The following FGF13 variants were observed in gnomAD, a reference collection of about 807,000 sequenced individuals.
The protein encoded by FGF13 is fibroblast growth factor homologous factor 2.
In FGF13, 2 loss-of-function variants were observed where a neutral mutation model predicts 19.5. The observed-to-expected ratio is 0.10, with a 90% confidence interval of 0.04 to 0.32. The LOEUF (loss-of-function observed/expected upper bound fraction) is 0.32, where lower values mean the gene tolerates loss of function less well. Among genes scored for constraint, FGF13 ranks in the 10% least tolerant of loss-of-function variants. The pLI is 1.00. For synonymous variants in FGF13, 72 were observed against 76.9 expected (o/e 0.94, Z 0.33); for missense variants, 113 against 192.7 (o/e 0.59, Z 2.45).
intron 1 of FGF13, among the ~76,000 whole-genome samples, chrX:139,121,060 G>A (rs1264728721): frequency 8.9e-6 from 1 of 112,235 alleles, no homozygotes; most frequent in African/African-American, 3.2e-5. Flanking sequence ...AAGTGGTATG[G>A]GGAGAAGCCT....
chrX:139,174,120 T>C, intron 1 of FGF13, among the ~76,000 whole-genome samples: 1 of 112,591 alleles, frequency 8.9e-6, no homozygotes, highest in Non-Finnish European at 1.9e-5. Context: ...GGTATCTCAT[T>C]GTGGTTTTGA....
intron 1 of FGF13, among the ~76,000 whole-genome samples, chrX:139,106,350 C>T (rs745716261): frequency 1.8e-5 from 2 of 112,736 alleles, no homozygotes; most frequent in East Asian, 2.8e-4. Flanking sequence ...ACAGAGTTGG[C>T]GTTTAAAGTT....
intron 1 of FGF13, among the ~76,000 whole-genome samples, chrX:139,051,643 C>G (rs1351013927): frequency 8.9e-6 from 1 of 112,555 alleles, no homozygotes; most frequent in Admixed American, 9.4e-5. Flanking sequence ...ATTAAAGTGA[C>G]TTGCTCAGGT....
chrX:138,965,094 C>T (rs2091889655), intron 1 of FGF13, among the ~76,000 whole-genome samples: 1 of 112,122 alleles, frequency 8.9e-6, no homozygotes, highest in Non-Finnish European at 1.9e-5. Context: ...GGTTAAGATC[C>T]TTGCCCTGCT....
intron 1 of FGF13, among the ~76,000 whole-genome samples, chrX:138,908,884 C>G (rs1479127391): frequency 8.9e-6 from 1 of 112,305 alleles, no homozygotes; most frequent in Non-Finnish European, 1.9e-5. Flanking sequence ...GAAGCAATGT[C>G]TTTATTTCAA....
intron 1 of FGF13, among the ~76,000 whole-genome samples, chrX:139,143,821 A>G (rs1257950560): frequency 1.8e-5 from 2 of 111,887 alleles, no homozygotes; most frequent in Non-Finnish European, 3.8e-5. Flanking sequence ...ATCTAGTCCC[A>G]AGGGACTTCC....
intron 3 of FGF13, among the ~76,000 whole-genome samples, chrX:138,796,746 G>A (rs1166711044): frequency 2.7e-5 from 3 of 111,776 alleles, no homozygotes; most frequent in South Asian, 3.8e-4. Context: ...TTTAATGATC[G>A]TCATTCTAAC....
At chrX:139,043,601 A>G (rs2092277468) in intron 1 of FGF13, among the ~76,000 whole-genome samples, 1 of 111,327 alleles carries the variant, frequency 9.0e-6, no homozygotes, top group Non-Finnish European at 1.9e-5. Context: ...TGACCCAGAG[A>G]TTCCACTGCT....
At chrX:139,072,276 TACAC>T (rs761988012) in intron 1 of FGF13, among the ~76,000 whole-genome samples, 22 of 99,054 alleles carry the variant, frequency 2.2e-4, no homozygotes, top group Admixed American at 3.3e-4. Context: ...TCTCTCTCTC[TACAC>T]ACACACACAC....
At chrX:138,857,417 C>T (rs2091264212), downstream of FGF13, 1 of 932,598 alleles carries the variant, frequency 1.1e-6, no homozygotes, top group East Asian at 3.2e-5. Context: ...CTGAACAACA[C>T]ACAGCACACC....
intron 3 of FGF13, among the ~76,000 whole-genome samples, chrX:138,679,775 T>C (rs1312894761): frequency 1.8e-5 from 2 of 111,796 alleles, no homozygotes; most frequent in Non-Finnish European, 3.8e-5. Flanking sequence ...ATCAGGATGG[T>C]GGCTATTTAA....
intron 1 of FGF13, among the ~76,000 whole-genome samples, chrX:138,730,174 C>T (rs2090217842): frequency 9.1e-6 from 1 of 109,464 alleles, no homozygotes; most frequent in South Asian, 3.9e-4. Context: ...GTGTGCATGT[C>T]CAGGCCTGTC....
chrX:138,788,803 A>G (rs1207328340), intron 3 of FGF13, among the ~76,000 whole-genome samples: 10 of 111,228 alleles, frequency 9.0e-5, no homozygotes, highest in African/African-American at 2.6e-4. Flanking sequence ...TTTTTGCAAT[A>G]TGGACATACT....
At chrX:139,163,278 AAACT>A (rs1196388467) in intron 1 of FGF13, among the ~76,000 whole-genome samples, 5 of 111,329 alleles carry the variant, frequency 4.5e-5, no homozygotes, top group African/African-American at 1.6e-4. Context: ...CATTCTCAGC[AAACT>A]AACACAGGAA....
At chrX:138,764,334 G>A (rs2090489265) in intron 3 of FGF13, among the ~76,000 whole-genome samples, 1 of 112,086 alleles carries the variant, frequency 8.9e-6, no homozygotes, top group African/African-American at 3.2e-5. Flanking sequence ...ATAAAGTTTG[G>A]ATATGGAGCA....
At chrX:138,669,685 C>T (rs1201909169) in intron 3 of FGF13, among the ~76,000 whole-genome samples, 1 of 111,061 alleles carries the variant, frequency 9.0e-6, no homozygotes, top group Non-Finnish European at 1.9e-5. Flanking sequence ...TCTCCCCTGG[C>T]CCCCACACCT....
chrX:139,102,571 T>C (rs1484583782), intron 1 of FGF13, among the ~76,000 whole-genome samples: 2 of 112,186 alleles, frequency 1.8e-5, no homozygotes, highest in Non-Finnish European at 3.8e-5. Context: ...TGTAAGGATG[T>C]AGTAAAAGAC....
chrX:138,932,924 G>A (rs2091711742), intron 1 of FGF13, among the ~76,000 whole-genome samples: 2 of 110,989 alleles, frequency 1.8e-5, no homozygotes, highest in African/African-American at 6.6e-5. Flanking sequence ...TGTGTTTCAT[G>A]GAGGACCAGT....
At chrX:138,803,600 G>T (rs753328131) in intron 3 of FGF13, among the ~76,000 whole-genome samples, 6 of 112,177 alleles carry the variant, frequency 5.3e-5, no homozygotes, top group African/African-American at 1.9e-4. Context: ...AGCATTACCC[G>T]CAGAATCTAT....
Sources: gnomAD v4.1 joint callset for allele counts (sites outside exome capture counted in the v4.1 genomes callset) on GRCh38, gnomAD v4.1.1 for gene constraint, MANE v1.5 for transcripts, NCBI Gene and HGNC (gene_info 2026-07-23, HGNC 2026-07-21) for gene names.